The following BRINP2 variants were observed in gnomAD, a reference collection of about 807,000 sequenced individuals.
BRINP2 encodes BMP/retinoic acid inducible neural specific 2.
Under a neutral mutation model 69.2 loss-of-function variants are expected in BRINP2, and 21 were observed. The observed-to-expected ratio is 0.30, with a 90% confidence interval of 0.22 to 0.44. BRINP2 has a LOEUF of 0.44. Ranked by LOEUF, BRINP2 falls within the 20% of genes least tolerant of loss-of-function variation. The pLI, the probability that BRINP2 is intolerant of heterozygous loss-of-function variation, is 1.00. For synonymous variants in BRINP2, 380 were observed against 394.1 expected (o/e 0.96, Z 0.42); for missense variants, 877 against 986.0 (o/e 0.89, Z 1.48).
intron 1 of BRINP2, among the ~76,000 whole-genome samples, chr1:177,224,199 TAAC>T (rs1649627157): frequency 1.3e-5 from 2 of 152,106 alleles, no homozygotes; most frequent in Non-Finnish European, 2.9e-5. Flanking sequence ...ATTTTTTTTT[TAAC>T]AACTGACACC....
intron 1 of BRINP2, among the ~76,000 whole-genome samples, chr1:177,180,063 A>G (rs1293702021): frequency 1.3e-5 from 2 of 152,218 alleles, no homozygotes; most frequent in Non-Finnish European, 2.9e-5. Context: ...GGGTGGGACA[A>G]GTTCATACAT....
Position 177,211,534 on chromosome 1 carries a change from C to G in BRINP2, c.-76-18267C>G, listed in dbSNP as rs370555467. ...ATGACCTTAATATTTTTGAAGATTA[C>G]AGGCTTGTTATTTTGTAGGATGTTC... is the stretch of plus-strand genomic sequence containing the variant. On this transcript the variant is annotated intron_variant, in intron 1 of 7. Coordinates refer to ENST00000361539, the MANE Select transcript of BRINP2 (RefSeq NM_021165.4). Among the ~76,000 whole-genome samples the G allele has an allele frequency of 2.0e-4, 31 of 152,292 alleles. 1 individual carries two copies. Among genetic ancestry groups the G allele is most frequent in the African/African-American group, 7.0e-4 (29 of 41,560 alleles).
intron 2 of BRINP2, among the ~76,000 whole-genome samples, chr1:177,253,402 ATTAAG>A (rs1231236658): frequency 1.1e-4 from 16 of 151,964 alleles, no homozygotes; most frequent in Non-Finnish European, 1.6e-4. Context: ...TTCTTTTGCT[ATTAAG>A]TTATTTGAGT....
intron 2 of BRINP2, among the ~76,000 whole-genome samples, chr1:177,254,260 AG>A (rs1650676918): frequency 6.6e-6 from 1 of 152,086 alleles, no homozygotes; most frequent in African/African-American, 2.4e-5. Flanking sequence ...TTTGCACTGA[AG>A]GTACAAAATA....
At position 177,279,885 on chromosome 1, in the gene BRINP2, G is replaced by A. The variant is rs906048558; in HGVS notation, c.1236-527G>A. Reference sequence around the variant, plus strand: ...TGAGTGTGGTGGTTCTTTCGGCAGGGACATCAGGAAAGACTTCTTTGAAGA... The same window carrying A: ...TGAGTGTGGTGGTTCTTTCGGCAGGAACATCAGGAAAGACTTCTTTGAAGA... On this transcript the variant is annotated intron_variant, in intron 7 of 7. Coordinates refer to ENST00000361539, the MANE Select transcript of BRINP2 (RefSeq NM_021165.4). Among the ~76,000 whole-genome samples the A allele has an allele frequency of 3.9e-5, 6 of 152,226 alleles. No homozygotes were observed. In the East Asian group the frequency reaches 9.7e-4, roughly 25 times the overall value.
At chr1:177,175,912 C>A (rs1247968651) in intron 1 of BRINP2, among the ~76,000 whole-genome samples, 1 of 152,142 alleles carries the variant, frequency 6.6e-6, no homozygotes, top group Non-Finnish European at 1.5e-5. Context: ...GATCTGGGCC[C>A]AAGGGCATGT....
intron 1 of BRINP2, among the ~76,000 whole-genome samples, chr1:177,214,955 A>T (rs1316283408): frequency 6.6e-6 from 1 of 152,164 alleles, no homozygotes; most frequent in Non-Finnish European, 1.5e-5. Context: ...AATGTATAGT[A>T]CTCAATTATT....
intron 2 of BRINP2, among the ~76,000 whole-genome samples, chr1:177,252,342 T>A (rs1650609518): frequency 6.6e-6 from 1 of 152,186 alleles, no homozygotes; most frequent in Non-Finnish European, 1.5e-5. Context: ...ATTTGACACA[T>A]GCTCCTCTCT....
intron 2 of BRINP2, among the ~76,000 whole-genome samples, chr1:177,241,246 C>T (rs750344562): frequency 3.3e-5 from 5 of 152,228 alleles, no homozygotes; most frequent in East Asian, 1.9e-4. Context: ...GCTGGGATTA[C>T]AGGCGTGAGC....
chr1:177,171,470 T>C lies in BRINP2; in HGVS notation c.-339T>C, dbSNP rs772196580. 5.5e-4 allele frequency: 90 copies of C among 162,636 alleles called. 1 individual carries two copies. The highest frequency in any genetic ancestry group is 5.3e-3 in the East Asian group (29 of 5,510). The allele number at this position is 162,636 out of a possible 1,614,324, so 10.1% of individuals were successfully genotyped here. A position where few individuals can be genotyped will look rare whatever the true frequency, so the allele number is the denominator to read the frequency against. ...GGTCTAACGTTGGCGGCGGTGGCGG[T>C]GGCGGCGGCGGCGGCACCGACAGTA... is the stretch of plus-strand genomic sequence containing the variant. On this transcript the variant is annotated 5_prime_UTR_variant, in exon 1 of 8. Transcript: ENST00000361539.
intron 6 of BRINP2, among the ~76,000 whole-genome samples, chr1:177,278,174 G>A (rs964665420): frequency 6.6e-6 from 1 of 152,036 alleles, no homozygotes; most frequent in African/African-American, 2.4e-5. Flanking sequence ...GTTCCATATG[G>A]GTTTTGTGGT....
intron 2 of BRINP2, among the ~76,000 whole-genome samples, chr1:177,241,065 G>A (rs568922749): frequency 1.6e-4 from 25 of 151,782 alleles, no homozygotes; most frequent in African/African-American, 4.6e-4. Context: ...TCCGCCTCCC[G>A]GGTTCATGCC....
chr1:177,269,241 A>G lies in BRINP2; in HGVS notation c.670-4247A>G, dbSNP rs945554126. 5.1e-4 allele frequency among the ~76,000 whole-genome samples: 78 copies of G among 152,226 alleles called. 1 individual carries two copies. Among genetic ancestry groups the G allele is most frequent in the Non-Finnish European group, 8.8e-5 (6 of 68,042 alleles). On this transcript the variant is annotated intron_variant, in intron 4 of 7. Transcript: ENST00000361539. ...GCTTCTGTTCTACCTGCTGATAAAT[A>G]CTGTGAATATCACTCTTGGCTCTGC... is the stretch of plus-strand genomic sequence containing the variant.
chr1:177,244,192 T>G (rs1032080340), intron 2 of BRINP2, among the ~76,000 whole-genome samples: 10 of 152,212 alleles, frequency 6.6e-5, no homozygotes, highest in African/African-American at 2.4e-4. Context: ...GAAAGAAATA[T>G]GGGATACTGG....
chr1:177,272,399 C>T (rs1337580384), intron 4 of BRINP2, among the ~76,000 whole-genome samples: 1 of 152,232 alleles, frequency 6.6e-6, no homozygotes, highest in Non-Finnish European at 1.5e-5. Flanking sequence ...ATGTATTATA[C>T]ATGCATTCTC....
Position 177,280,581 on chromosome 1 carries a change from T to C in BRINP2, c.1405T>C (p.Cys469Arg). 6.2e-7 allele frequency: 1 copy of C among 1,614,184 alleles called. No individual in the cohort carries two copies. The highest frequency in any genetic ancestry group is 8.5e-7 in the Non-Finnish European group (1 of 1,180,024). Reference protein sequence around the residue: ...ALGEGPACAHCAPDNSTRCGS... With the variant: ...ALGEGPACAHRAPDNSTRCGS... The stretch of plus-strand genomic sequence containing the variant: ...GGGCGAAGGGCCCGCGTGTGCCCAC[T>C]GTGCTCCAGACAATAGCACACGCTG... The change falls in exon 8 of 8, where the codon TGT becomes CGT. Residue 469 changes from cysteine to arginine, a missense_variant. Cys to Arg is a radical substitution (Grantham distance 180). Transcript: ENST00000361539.
intron 2 of BRINP2, among the ~76,000 whole-genome samples, chr1:177,232,512 A>G (rs920833033): frequency 1.3e-5 from 2 of 152,168 alleles, no homozygotes; most frequent in African/African-American, 2.4e-5. Context: ...GGGCAGAGAG[A>G]GGATAGTCAC....
At chr1:177,245,008 C>T (rs1358082016) in intron 2 of BRINP2, among the ~76,000 whole-genome samples, 4 of 152,246 alleles carry the variant, frequency 2.6e-5, no homozygotes, top group African/African-American at 9.6e-5. Context: ...AGTAACATGT[C>T]AAAGGGCACT....
chr1:177,230,599 C>T (rs928699183), intron 2 of BRINP2, among the ~76,000 whole-genome samples: 4 of 152,160 alleles, frequency 2.6e-5, no homozygotes, highest in Admixed American at 6.5e-5. Context: ...TCTGGGGAGC[C>T]CTGAAGGGTC....
Sources: allele counts gnomAD v4.1 joint callset (sites outside exome capture counted in the v4.1 genomes callset), GRCh38; gene constraint gnomAD v4.1.1; transcripts MANE v1.5; gene names NCBI Gene and HGNC (gene_info 2026-07-23, HGNC 2026-07-21).